The following FREM1 variants were observed in gnomAD, a reference collection of about 807,000 sequenced individuals.
FREM1 encodes FRAS1-related extracellular matrix protein 1.
In FREM1, 220 loss-of-function variants were observed where a neutral mutation model predicts 210.1. The observed-to-expected ratio is 1.05, with a 90% CI of 0.94 to 1.17. The LOEUF is 1.17. Among genes scored for constraint, FREM1 ranks in the 50% most tolerant of loss-of-function variants. FREM1 has a pLI of 0.00. For synonymous variants in FREM1, 1,189 were observed against 980.2 expected (o/e 1.21, Z -3.98); for missense variants, 3,454 against 2,675.5 (o/e 1.29, Z -6.42).
At chr9:14,804,540 G>C (rs112229860) in intron 19 of FREM1, among the ~76,000 whole-genome samples, 1 of 152,110 alleles carries the variant, frequency 6.6e-6, no homozygotes, top group Admixed American at 6.5e-5. Context: ...AGCCGAGGTC[G>C]CGCCACTGCA....
intron 15 of FREM1, 119 bp downstream of exon 15, chr9:14,816,659 T>G: frequency 2.1e-6 from 1 of 473,978 alleles, no homozygotes; most frequent in Non-Finnish European, 3.5e-6. Flanking sequence ...CTTCCCAGCC[T>G]CCAGAGTCAT....
intron 15 of FREM1, 22 bp from the exon 16 acceptor site, chr9:14,813,086 T>A (rs2133578625): frequency 1.9e-6 from 3 of 1,583,256 alleles, no homozygotes; most frequent in Non-Finnish European, 2.6e-6. Context: ...AAAAAATGCA[T>A]GTTTTCAGAA....
intron 29 of FREM1, among the ~76,000 whole-genome samples, chr9:14,755,789 G>C (rs1260232501): frequency 6.6e-6 from 1 of 152,238 alleles, no homozygotes; most frequent in Non-Finnish European, 1.5e-5. Context: ...CTATCAGTGA[G>C]TGTTAATTCT....
intron 27 of FREM1, among the ~76,000 whole-genome samples, chr9:14,768,288 G>A (rs1257672091): frequency 6.8e-6 from 1 of 146,024 alleles, no homozygotes. Context: ...AAAAAAAAGT[G>A]AAGTCCACGT....
chr9:14,803,222 TTC>T (rs1007050416), intron 19 of FREM1, among the ~76,000 whole-genome samples: 4 of 107,504 alleles, frequency 3.7e-5, no homozygotes, highest in South Asian at 3.4e-4. Context: ...TCTCTTTTCT[TTC>T]TCTTTCTTTC....
chr9:14,831,487 A>G (rs1268140203), intron 10 of FREM1, among the ~76,000 whole-genome samples: 1 of 152,150 alleles, frequency 6.6e-6, no homozygotes, highest in Non-Finnish European at 1.5e-5. Flanking sequence ...TTTAATCTCG[A>G]TATTGTCCCA....
chr9:14,816,033 G>A (rs1205182363), intron 15 of FREM1, among the ~76,000 whole-genome samples: 1 of 152,030 alleles, frequency 6.6e-6, no homozygotes. Context: ...TATGGTACAG[G>A]AACTCACAAA....
Position 14,737,414 on chromosome 9 carries a change from C to T in FREM1, c.6522G>A (p.Val2174=), listed in dbSNP as rs1296883015. ...GTTATATTTAGAGTTTTCTGGAACACACATAATTATGAGGTTTGGCTCTCC... is the reference window on the plus strand; with the variant it reads ...GTTATATTTAGAGTTTTCTGGAACATACATAATTATGAGGTTTGGCTCTCC... ...DCRRAKPHNY[V]CSRKL Residue 2174 remains valine, a synonymous_variant, in exon 37 of 37, where the codon GTG becomes GTA. Coordinates refer to ENST00000380880, the MANE Select transcript of FREM1 (RefSeq NM_001379081.2). 1.2e-6 allele frequency: 2 copies of T among 1,613,668 alleles called. No homozygotes were observed. Among genetic ancestry groups the T allele is most frequent in the Non-Finnish European group, 8.5e-7 (1 of 1,179,730 alleles).
intron 28 of FREM1, among the ~76,000 whole-genome samples, chr9:14,757,079 T>C (rs1205457981): frequency 6.6e-6 from 1 of 152,132 alleles, no homozygotes; most frequent in East Asian, 1.9e-4. Flanking sequence ...CCAAGGACTT[T>C]CAAGGACCCC....
At position 14,747,739 on chromosome 9, in the gene FREM1, C is replaced by CA. The variant is rs1482720172; in HGVS notation, c.5797-12dup. The CA allele has an allele frequency of 4.5e-5, 68 of 1,521,362 alleles. No homozygotes were observed. The highest frequency in any genetic ancestry group is 5.7e-5 in the Non-Finnish European group (64 of 1,123,850). 94.2% of individuals were successfully genotyped at this position (1,521,362 alleles called of 1,614,324 possible). A position where few individuals can be genotyped will look rare whatever the true frequency, so the allele number is the denominator to read the frequency against. On this transcript the variant is annotated splice_polypyrimidine_tract_variant and intron_variant, in intron 31 of 36. Coordinates refer to ENST00000380880, the MANE Select transcript of FREM1 (RefSeq NM_001379081.2). ...AGAGGATGGACGAACCTGAAATTGA[C>CA]AGAGAACAAAATATGAACAGAATTG...
intron 5 of FREM1, among the ~76,000 whole-genome samples, chr9:14,856,206 C>G (rs755579720): frequency 2.6e-5 from 4 of 152,122 alleles, no homozygotes; most frequent in Admixed American, 1.3e-4. Context: ...ACTATAAACC[C>G]ACTTTAAGTT....
intron 20 of FREM1, among the ~76,000 whole-genome samples, chr9:14,799,819 T>C (rs1315671456): frequency 6.6e-6 from 1 of 152,062 alleles, no homozygotes. Context: ...TATTATACTT[T>C]AAGTTTTAGG....
intron 10 of FREM1, among the ~76,000 whole-genome samples, chr9:14,838,094 A>C (rs551389079): frequency 6.6e-6 from 1 of 152,224 alleles, no homozygotes; most frequent in Non-Finnish European, 1.5e-5. Context: ...TTTATGTCAT[A>C]GAAAAAGCTT....
chr9:14,892,414 T>C (rs1836982925), intron 1 of FREM1, among the ~76,000 whole-genome samples: 1 of 151,924 alleles, frequency 6.6e-6, no homozygotes, highest in Admixed American at 6.6e-5. Context: ...ATAGAGTGGG[T>C]TAAAGGCCCC....
At chr9:14,787,405 T>C (rs1218646172) in intron 23 of FREM1, among the ~76,000 whole-genome samples, 1 of 152,220 alleles carries the variant, frequency 6.6e-6, no homozygotes, top group Non-Finnish European at 1.5e-5. Context: ...AAAATCCTTT[T>C]AGAAAATAAT....
rs61735746 is a variant in FREM1, at chr9:14,776,077, G to A, written c.4569C>T (p.Gly1523=). The change falls in exon 25 of 37, where the codon GGC becomes GGT. Residue 1523 remains glycine (G), a synonymous_variant. Coordinates refer to ENST00000380880, the MANE Select transcript of FREM1 (RefSeq NM_001379081.2). ...GCTGAAGGAGGTCAGGGGAAAGCAG[G>A]CCCACGGCCCCTTGGGCCAGTCTCA... is the stretch of plus-strand genomic sequence containing the variant. The part of the protein sequence containing the change: ...KGLRLAQGAV[G]LLSPDLLQLT... The A allele has an allele frequency of 1.2e-6, 2 of 1,613,198 alleles. No individual in the cohort carries two copies. Among genetic ancestry groups the A allele is most frequent in the Non-Finnish European group, 1.7e-6 (2 of 1,179,252 alleles).
At chr9:14,802,828 C>A (rs1817543731) in intron 19 of FREM1, among the ~76,000 whole-genome samples, 2 of 152,130 alleles carry the variant, frequency 1.3e-5, no homozygotes. Context: ...CCATCAATAA[C>A]TATAACTCAA....
chr9:14,794,968 A>G (rs903438198), intron 21 of FREM1, among the ~76,000 whole-genome samples: 1 of 148,530 alleles, frequency 6.7e-6, no homozygotes, highest in Non-Finnish European at 1.5e-5. Context: ...ACTGCACTCC[A>G]GCCTGGGTGA....
rs201342481 is a variant in FREM1 at position 14,737,473 on chromosome 9, G to A, written c.6463C>T (p.Gln2155Ter). 2 of 1,613,726 alleles carry A rather than the reference G, an allele frequency of 1.2e-6. No homozygotes were observed. The highest frequency in any genetic ancestry group is 1.7e-6 in the Non-Finnish European group (2 of 1,179,796). Reference protein sequence around the residue: ...SKLGKSCVLVQRQGKWQTKDC... With the variant: ...SKLGKSCVLV ...TTTGTTTGCCATTTCCCTTGTCTTT[G>A]AACCAAAACACAGCTCTTTCCAAGC... is the stretch of plus-strand genomic sequence containing the variant. The change falls in exon 37 of 37, where the codon CAA becomes TAA. Residue 2155 changes from glutamine (Q) to a stop codon, truncating the protein, a stop_gained. Transcript: ENST00000380880. LOFTEE classifies it high-confidence loss of function.
Sources: allele counts gnomAD v4.1 joint callset (sites outside exome capture counted in the v4.1 genomes callset), GRCh38; gene constraint gnomAD v4.1.1; transcripts MANE v1.5; gene names NCBI Gene and HGNC (gene_info 2026-07-23, HGNC 2026-07-21).